Variants in PDE11A observed in about 807,000 individuals in gnomAD.
PDE11A encodes dual 3',5'-cyclic-AMP and -GMP phosphodiesterase 11A.
In PDE11A, 100 loss-of-function variants were observed where a neutral mutation model predicts 100.5. That is an observed-to-expected ratio of 1.00 (90% CI 0.85 to 1.18). The LOEUF is 1.18. Among genes scored for constraint, PDE11A ranks in the 50% most tolerant of loss-of-function variants. PDE11A has a pLI of 0.00. For missense variants in PDE11A, 1,141 were observed against 1,152.6 expected (o/e 0.99, Z 0.15); for synonymous variants, 381 against 420.8 (o/e 0.91, Z 1.16).
intron 1 of PDE11A, among the ~76,000 whole-genome samples, chr2:178,065,785 A>G (rs2087035265): frequency 6.6e-6 from 1 of 152,166 alleles, no homozygotes; most frequent in Non-Finnish European, 1.5e-5. Context: ...GACCATATCT[A>G]TCAGCACTGG....
intron 1 of PDE11A, among the ~76,000 whole-genome samples, chr2:178,028,151 A>G (rs1033586527): frequency 5.9e-5 from 9 of 152,044 alleles, no homozygotes; most frequent in African/African-American, 1.9e-4. Context: ...CTTCCCCACT[A>G]TAAGTCCCTG....
At chr2:177,953,547 A>C (rs1484082244) in intron 2 of PDE11A, among the ~76,000 whole-genome samples, 3 of 152,176 alleles carry the variant, frequency 2.0e-5, no homozygotes, top group Non-Finnish European at 4.4e-5. Context: ...ATTATGACTA[A>C]AGCATAGATA....
chr2:177,896,301 A>C (rs1454101971), intron 4 of PDE11A, among the ~76,000 whole-genome samples: 1 of 152,188 alleles, frequency 6.6e-6, no homozygotes, highest in Non-Finnish European at 1.5e-5. Flanking sequence ...TCCATCATCT[A>C]TATTTTTTTG....
chr2:177,812,587 A>G (rs750737411), intron 9 of PDE11A, among the ~76,000 whole-genome samples: 1 of 152,130 alleles, frequency 6.6e-6, no homozygotes, highest in African/African-American at 2.4e-5. Context: ...AAGCAGGCAG[A>G]TAAGCTAGAT....
At chr2:177,944,685 G>A (rs1258796519) in intron 2 of PDE11A, among the ~76,000 whole-genome samples, 1 of 152,108 alleles carries the variant, frequency 6.6e-6, no homozygotes, top group African/African-American at 2.4e-5. Flanking sequence ...CGACTACCAG[G>A]TACCTCGGCT....
intron 5 of PDE11A, among the ~76,000 whole-genome samples, chr2:177,865,577 T>C (rs2105677848): frequency 6.6e-6 from 1 of 152,316 alleles, no homozygotes; most frequent in Middle Eastern, 3.4e-3. Context: ...TCAGCAGCAT[T>C]ATTCTTAATA....
chr2:177,897,139 G>T (rs909564639), intron 4 of PDE11A, among the ~76,000 whole-genome samples: 6 of 152,040 alleles, frequency 3.9e-5, no homozygotes, highest in Admixed American at 2.0e-4. Context: ...ATAACATTCT[G>T]TCAGGTATTA....
At chr2:177,634,458 G>T (rs978542484) in intron 19 of PDE11A, among the ~76,000 whole-genome samples, 2 of 149,456 alleles carry the variant, frequency 1.3e-5, no homozygotes, top group African/African-American at 5.0e-5. Context: ...GGGCGATCTC[G>T]GCTCACTCCA....
chr2:177,780,240 T>C (rs1332877068), intron 9 of PDE11A, among the ~76,000 whole-genome samples: 1 of 152,146 alleles, frequency 6.6e-6, no homozygotes, highest in East Asian at 1.9e-4. Context: ...AGAGTAGATT[T>C]AGCATAATTC....
intron 1 of PDE11A, among the ~76,000 whole-genome samples, chr2:178,034,931 TAA>T (rs1020186664): frequency 3.5e-4 from 54 of 152,212 alleles, no homozygotes; most frequent in African/African-American, 1.2e-3. Context: ...TGGAAAGATC[TAA>T]AATCGGCACC....
intron 2 of PDE11A, among the ~76,000 whole-genome samples, chr2:178,010,322 C>T (rs1375857376): frequency 1.3e-5 from 2 of 152,176 alleles, no homozygotes; most frequent in Non-Finnish European, 2.9e-5. Context: ...ACTTTGGTTG[C>T]TGCAGTTTAT....
At chr2:177,655,576 T>A (rs2080369000) in intron 19 of PDE11A, among the ~76,000 whole-genome samples, 1 of 152,136 alleles carries the variant, frequency 6.6e-6, no homozygotes. Context: ...TCTTGCTCTG[T>A]CACCCAGGCT....
intron 9 of PDE11A, among the ~76,000 whole-genome samples, chr2:177,805,992 T>G (rs1005072920): frequency 6.6e-6 from 1 of 152,156 alleles, no homozygotes; most frequent in Non-Finnish European, 1.5e-5. Flanking sequence ...CTGGGACCAA[T>G]TGGTTACATA....
Position 178,027,555 on chromosome 2 carries a change from T to C in PDE11A, c.913-13095A>G, listed in dbSNP as rs568432390. Among the ~76,000 whole-genome samples, 132 of 152,268 alleles carry C rather than the reference T, an allele frequency of 8.7e-4. 2 individuals carry two copies. The South Asian group carries it at 0.01, about 12-fold the overall frequency. ...AATAATTTATCTCTATGAAAAACCA[T>C]AGCATCCTATACTTTCAGCAAGATA... On this transcript the variant is annotated intron_variant, in intron 1 of 19. Coordinates refer to ENST00000286063, the MANE Select transcript of PDE11A (RefSeq NM_016953.4).
At chr2:177,977,234 C>A (rs1454024996) in intron 2 of PDE11A, among the ~76,000 whole-genome samples, 1 of 112,078 alleles carries the variant, frequency 8.9e-6, no homozygotes, top group African/African-American at 3.4e-5. Flanking sequence ...TAAGCAACTT[C>A]AGCAAAGTCT....
intron 2 of PDE11A, among the ~76,000 whole-genome samples, chr2:178,007,160 G>T (rs1347435285): frequency 6.6e-6 from 1 of 152,122 alleles, no homozygotes; most frequent in Non-Finnish European, 1.5e-5. Flanking sequence ...AGGCAAGAAG[G>T]TTTTCAGAAA....
rs188166130 is a variant in PDE11A at position 177,983,657 on chromosome 2, C to T, written c.1071+30645G>A. ...CAAACATAAATGCATGAGAGTTTTG[C>T]TATTTGGTGGACTAAAGGAAACTTT... On this transcript the variant is annotated intron_variant, in intron 2 of 19. Transcript: ENST00000286063. Among the ~76,000 whole-genome samples the T allele has an allele frequency of 1.6e-4, 25 of 152,222 alleles. No individual in the cohort carries two copies. In the East Asian group the frequency reaches 4.8e-3, roughly 29 times the overall value.
chr2:177,877,994 T>G (rs1250926805), intron 4 of PDE11A, among the ~76,000 whole-genome samples: 1 of 120,512 alleles, frequency 8.3e-6, no homozygotes, highest in Non-Finnish European at 1.7e-5. Flanking sequence ...TAGGAATAGA[T>G]TAAATATTTA....
chr2:177,654,334 A>T (rs1574101022), intron 19 of PDE11A, among the ~76,000 whole-genome samples: 1 of 152,190 alleles, frequency 6.6e-6, no homozygotes, highest in Non-Finnish European at 1.5e-5. Context: ...AGCTTGGGCA[A>T]TGTGGTGAAA....
Sources: allele counts gnomAD v4.1 joint callset (sites outside exome capture counted in the v4.1 genomes callset), GRCh38; gene constraint gnomAD v4.1.1; transcripts MANE v1.5; gene names NCBI Gene and HGNC (gene_info 2026-07-23, HGNC 2026-07-21).